The following DYSF variants were observed in gnomAD, a reference collection of about 807,000 sequenced individuals.
DYSF encodes dysferlin, also known as dystrophy-associated fer-1-like 1.
In DYSF, 212 loss-of-function variants were observed where a neutral mutation model predicts 274.9. The observed-to-expected ratio is 0.77, with a 90% CI of 0.69 to 0.86. DYSF has a LOEUF of 0.86. Ranked by LOEUF, DYSF falls within the 40% of genes least tolerant of loss-of-function variation. DYSF has a pLI of 0.00. For missense variants in DYSF, 2,666 were observed against 2,783.2 expected, an observed-to-expected ratio of 0.96 and a Z score of 0.95; for synonymous variants, 1,091 against 1,078.7, an observed-to-expected ratio of 1.01 and a Z score of -0.22.
intron 4 of DYSF, among the ~76,000 whole-genome samples, chr2:71,509,313 C>A (rs1396858972): frequency 1.3e-5 from 2 of 152,160 alleles, no homozygotes; most frequent in Non-Finnish European, 2.9e-5. Flanking sequence ...TAAGCGTGGG[C>A]CACCATGCCT....
intron 30 of DYSF, among the ~76,000 whole-genome samples, chr2:71,583,068 A>G (rs946633358): frequency 4.6e-5 from 7 of 151,014 alleles, no homozygotes; most frequent in African/African-American, 1.2e-4. Flanking sequence ...AAAAAAAAAA[A>G]AGAGAAATTA....
At chr2:71,580,719 G>A (rs753299025) in intron 30 of DYSF, among the ~76,000 whole-genome samples, 2 of 152,204 alleles carry the variant, frequency 1.3e-5, no homozygotes, top group Non-Finnish European at 2.9e-5. Context: ...AGCATGGGCG[G>A]CTTGAGGGCT....
In DYSF at chr2:71,620,584, CG is replaced by C. The variant is rs2094072275; in HGVS notation, c.4504del (p.Ala1502LeufsTer23). 1 of 1,550,842 alleles carries C rather than the reference CG, an allele frequency of 6.4e-7. No individual in the cohort carries two copies. The highest frequency in any genetic ancestry group is 1.4e-5 in the African/African-American group (1 of 72,958). ...CTGTCGAGCTTGGCCCCCACTAACA[CG>C]GCTTCTCCTCCATCCAGTCCTCATG... The part of the protein sequence containing the change: ...DGLSSLAPTN[T>X]ASPPSSPHEE... On this transcript the variant is annotated frameshift_variant, in exon 41 of 56. Coordinates refer to ENST00000410020, the MANE Select transcript of DYSF (RefSeq NM_001130987.2). LOFTEE classifies it high-confidence loss of function.
Position 71,466,761 on chromosome 2 carries a change from C to A in DYSF, c.-82C>A. On this transcript the variant is annotated 5_prime_UTR_variant, in exon 1 of 56. Transcript: ENST00000410020. ...TTGGCGCGGCTGCCTGGGAGCCGGG[C>A]GCTTGCTGGGTGGGTGCTCGGGCCC... 7.1e-7 allele frequency: 1 copy of A among 1,415,046 alleles called. No homozygotes were observed. Among genetic ancestry groups the A allele is most frequent in the Non-Finnish European group, 9.3e-7 (1 of 1,079,130 alleles). 87.7% of individuals were successfully genotyped at this position (1,415,046 alleles called of 1,614,324 possible). A position where few individuals can be genotyped will look rare whatever the true frequency, so the allele number is the denominator to read the frequency against.
At chr2:71,484,707 G>A (rs1422526760) in intron 3 of DYSF, among the ~76,000 whole-genome samples, 1 of 152,168 alleles carries the variant, frequency 6.6e-6, no homozygotes. Context: ...CTCTATCTCC[G>A]GAAGTTCAAT....
intron 43 of DYSF, among the ~76,000 whole-genome samples, chr2:71,656,566 A>C (rs2094775695): frequency 1.3e-5 from 2 of 152,124 alleles, no homozygotes. Context: ...ATTTGTTTTT[A>C]GTCTGTTTTC....
intron 44 of DYSF, among the ~76,000 whole-genome samples, chr2:71,660,234 G>A (rs1336054800): frequency 6.6e-6 from 1 of 152,196 alleles, no homozygotes; most frequent in African/African-American, 2.4e-5. Flanking sequence ...TCACAGAGAG[G>A]ACCCCAGCCT....
intron 17 of DYSF, among the ~76,000 whole-genome samples, chr2:71,542,270 G>A (rs1350948691): frequency 6.6e-6 from 1 of 152,134 alleles, no homozygotes; most frequent in African/African-American, 2.4e-5. Flanking sequence ...ATTAAGATGG[G>A]CTTTCTATGT....
chr2:71,652,838 C>G (rs1040365752), intron 42 of DYSF, among the ~76,000 whole-genome samples: 1 of 152,040 alleles, frequency 6.6e-6, no homozygotes, highest in Admixed American at 6.5e-5. Flanking sequence ...CAAAAGGAGG[C>G]GTGAGCATTT....
upstream of DYSF, among the ~76,000 whole-genome samples, chr2:71,464,854 T>A (rs368487221): frequency 9.6e-4 from 146 of 152,240 alleles, no homozygotes; most frequent in African/African-American, 3.3e-3. Context: ...AGGCAAGGGA[T>A]GACAGGCTTC....
intron 54 of DYSF, among the ~76,000 whole-genome samples, chr2:71,681,977 C>T (rs181626561): frequency 6.6e-6 from 1 of 152,288 alleles, no homozygotes; most frequent in Non-Finnish European, 1.5e-5. Flanking sequence ...GTTAACGGGG[C>T]CATGATGGAG....
chr2:71,481,563 C>T (rs1573404929), intron 2 of DYSF, among the ~76,000 whole-genome samples: 2 of 152,234 alleles, frequency 1.3e-5, no homozygotes, highest in African/African-American at 4.8e-5. Context: ...CCCAGCCACA[C>T]TCCTGGCTTG....
intron 4 of DYSF, among the ~76,000 whole-genome samples, chr2:71,505,544 C>T (rs1573581681): frequency 6.6e-6 from 1 of 152,214 alleles, no homozygotes; most frequent in African/African-American, 2.4e-5. Flanking sequence ...ACTGCAGACC[C>T]CGTTTGCCTT....
At position 71,615,943 on chromosome 2, in the gene DYSF, T is replaced by C. The variant is rs1232241412; in HGVS notation, c.4464+2533T>C. Among the ~76,000 whole-genome samples, 1 of 152,208 alleles carries C rather than the reference T, an allele frequency of 6.6e-6. No individual in the cohort carries two copies. Among genetic ancestry groups the C allele is most frequent in the East Asian group, 1.9e-4 (1 of 5,194 alleles). On this transcript the variant is annotated intron_variant, in intron 40 of 55. Transcript: ENST00000410020. The surrounding 1 kb of genome is among the most constrained non-coding windows in gnomAD (Gnocchi z 4.9). ...GTTCACTGTGTCCTGGCTGTGGTCC[T>C]AGGACCCCTCCTAGCTCAAACCTGC...
intron 3 of DYSF, among the ~76,000 whole-genome samples, chr2:71,488,695 G>A (rs900199008): frequency 3.3e-5 from 5 of 152,154 alleles, no homozygotes; most frequent in African/African-American, 1.2e-4. Flanking sequence ...TGTTATAGGA[G>A]GAGGTCTAGT....
intron 42 of DYSF, among the ~76,000 whole-genome samples, chr2:71,653,120 A>G (rs2094696239): frequency 6.6e-6 from 1 of 152,228 alleles, no homozygotes; most frequent in Non-Finnish European, 1.5e-5. Context: ...ATACCATCTC[A>G]CACCAGTTAG....
At chr2:71,620,455 C>T in intron 40 of DYSF, 92 bp from the exon 41 acceptor site, 1 of 1,340,304 alleles carries the variant, frequency 7.5e-7, no homozygotes, top group Non-Finnish European at 1.0e-6. Context: ...CAGAGGGTGC[C>T]TGGTCAGAGA....
At chr2:71,592,092 G>A (rs539617338) in intron 32 of DYSF, among the ~76,000 whole-genome samples, 10 of 152,350 alleles carry the variant, frequency 6.6e-5, no homozygotes, top group African/African-American at 1.7e-4. Context: ...CTCCCTTCCC[G>A]GAAGGGCGTG....
intron 41 of DYSF, among the ~76,000 whole-genome samples, chr2:71,630,918 A>G (rs983768008): frequency 2.0e-5 from 3 of 152,048 alleles, no homozygotes; most frequent in Non-Finnish European, 4.4e-5. Flanking sequence ...CATTCTTCCT[A>G]ATTATGGTTA....
Sources: gnomAD v4.1 joint callset for allele counts (sites outside exome capture counted in the v4.1 genomes callset) on GRCh38, gnomAD v4.1.1 for gene constraint, Gnocchi (gnomAD v3.1) non-coding constraint, MANE v1.5 for transcripts, NCBI Gene and HGNC (gene_info 2026-07-23, HGNC 2026-07-21) for gene names.